Variants in PTPRT observed in about 807,000 individuals in gnomAD.
PTPRT encodes receptor-type tyrosine-protein phosphatase T.
PTPRT carries 56 observed loss-of-function variants against 176.8 expected under a neutral mutation model. The observed-to-expected ratio is 0.32, with a 90% CI of 0.26 to 0.40. PTPRT has a LOEUF of 0.40. Ranked by LOEUF, PTPRT falls within the 10% of genes least tolerant of loss-of-function variation. PTPRT has a pLI of 1.00. For missense variants in PTPRT, 1,540 were observed against 1,908.2 expected (o/e 0.81, Z 3.60); for synonymous variants, 783 against 739.0 (o/e 1.06, Z -0.96).
chr20:43,092,851 G>T (rs907911755), intron 1 of PTPRT, among the ~76,000 whole-genome samples: 2 of 152,170 alleles, frequency 1.3e-5, no homozygotes, highest in African/African-American at 2.4e-5. Context: ...TTGTGTAAAG[G>T]CTCTAAGATC....
At chr20:42,233,742 G>A (rs528696890) in intron 15 of PTPRT, among the ~76,000 whole-genome samples, 3 of 152,102 alleles carry the variant, frequency 2.0e-5, no homozygotes, top group Non-Finnish European at 4.4e-5. Flanking sequence ...CGTCATGGGG[G>A]CCTTGGGGTT....
intron 6 of PTPRT, among the ~76,000 whole-genome samples, chr20:42,691,026 C>A (rs180852203): frequency 6.6e-6 from 1 of 150,734 alleles, no homozygotes; most frequent in African/African-American, 2.4e-5. Flanking sequence ...TTCAGCCCAG[C>A]GCCTCTAGCC....
chr20:42,053,629 T>A, the PTPRT span, among the ~76,000 whole-genome samples: 1 of 152,064 alleles, frequency 6.6e-6, no homozygotes, highest in Non-Finnish European at 1.5e-5. Flanking sequence ...GCTGCTGGAG[T>A]GGACATGAGA....
At chr20:42,569,956 C>T (rs991253362) in intron 7 of PTPRT, among the ~76,000 whole-genome samples, 11 of 152,212 alleles carry the variant, frequency 7.2e-5, no homozygotes, top group African/African-American at 2.7e-4. Flanking sequence ...GTCTATGTTA[C>T]AGAAGAAGAC....
intron 1 of PTPRT, among the ~76,000 whole-genome samples, chr20:43,080,926 G>C (rs1040203888): frequency 6.6e-6 from 1 of 152,210 alleles, no homozygotes; most frequent in African/African-American, 2.4e-5. Context: ...AAATAAACCT[G>C]TTGTATACAG....
the PTPRT span, among the ~76,000 whole-genome samples, chr20:42,044,627 T>G: frequency 6.6e-6 from 1 of 152,230 alleles, no homozygotes; most frequent in South Asian, 2.1e-4. Flanking sequence ...AGTAAAATAA[T>G]GTTAAGTGAA....
intron 1 of PTPRT, among the ~76,000 whole-genome samples, chr20:43,131,629 A>G (rs1222203980): frequency 6.6e-6 from 1 of 152,200 alleles, no homozygotes; most frequent in African/African-American, 2.4e-5. Context: ...AGATGGATTC[A>G]TAGGTGATTT....
intron 7 of PTPRT, among the ~76,000 whole-genome samples, chr20:42,521,831 G>A (rs1273192725): frequency 6.6e-6 from 1 of 152,072 alleles, no homozygotes; most frequent in African/African-American, 2.4e-5. Flanking sequence ...GCTGCCAAAA[G>A]ACTGATAACA....
chr20:42,745,355 G>A (rs887120736), intron 6 of PTPRT, among the ~76,000 whole-genome samples: 1 of 152,206 alleles, frequency 6.6e-6, no homozygotes, highest in East Asian at 1.9e-4. Flanking sequence ...CCATGGGGCA[G>A]GATCTGGGCC....
intron 2 of PTPRT, among the ~76,000 whole-genome samples, chr20:42,841,957 C>T (rs2078286661): frequency 6.6e-6 from 1 of 152,166 alleles, no homozygotes; most frequent in Non-Finnish European, 1.5e-5. Context: ...TTGCCCTGCT[C>T]CCCACTTCAT....
At chr20:42,869,639 A>G (rs2078810450) in intron 2 of PTPRT, among the ~76,000 whole-genome samples, 1 of 152,196 alleles carries the variant, frequency 6.6e-6, no homozygotes, top group African/African-American at 2.4e-5. Context: ...GATGAATCAT[A>G]TCTAATTTAG....
chr20:42,891,122 C>T (rs933379184), intron 1 of PTPRT, among the ~76,000 whole-genome samples: 4 of 152,262 alleles, frequency 2.6e-5, no homozygotes, highest in African/African-American at 9.6e-5. Context: ...AGTGTGAAAA[C>T]GGACTAATAC....
At chr20:42,411,035 C>A (rs1291021239) in intron 9 of PTPRT, among the ~76,000 whole-genome samples, 1 of 151,888 alleles carries the variant, frequency 6.6e-6, no homozygotes, top group East Asian at 1.9e-4. Context: ...AAAAGAAGTA[C>A]ATAATAAATG....
At chr20:42,401,968 T>G (rs2058912812) in intron 9 of PTPRT, among the ~76,000 whole-genome samples, 1 of 152,200 alleles carries the variant, frequency 6.6e-6, no homozygotes, top group African/African-American at 2.4e-5. Context: ...CTGGTGGACA[T>G]CTGTCCTGTC....
intron 7 of PTPRT, among the ~76,000 whole-genome samples, chr20:42,631,761 A>G (rs1054016137): frequency 2.0e-5 from 3 of 152,140 alleles, no homozygotes. Context: ...AAGCTTGTGT[A>G]AATGAATGAA....
chr20:43,002,600 T>C (rs1009623960), intron 1 of PTPRT, among the ~76,000 whole-genome samples: 12 of 152,104 alleles, frequency 7.9e-5, no homozygotes, highest in Non-Finnish European at 2.9e-5. Context: ...AACAAAATAA[T>C]TATTTCAACA....
At chr20:43,045,603 C>A (rs1986805337) in intron 1 of PTPRT, among the ~76,000 whole-genome samples, 1 of 151,056 alleles carries the variant, frequency 6.6e-6, no homozygotes, top group Non-Finnish European at 1.5e-5. Flanking sequence ...ACAAGGCATG[C>A]ACCACCATGT....
At chr20:42,641,431 G>A (rs897158756) in intron 7 of PTPRT, among the ~76,000 whole-genome samples, 4 of 152,172 alleles carry the variant, frequency 2.6e-5, no homozygotes, top group Admixed American at 2.6e-4. Context: ...TCTTTGATGG[G>A]GGCTTTATAC....
chr20:42,528,039 A>C (rs1321449909), intron 7 of PTPRT, among the ~76,000 whole-genome samples: 1 of 152,252 alleles, frequency 6.6e-6, no homozygotes, highest in African/African-American at 2.4e-5. Context: ...AATCCTCAGC[A>C]TGGCCTCATA....
Sources: gnomAD v4.1 joint callset for allele counts (sites outside exome capture counted in the v4.1 genomes callset) on GRCh38, gnomAD v4.1.1 for gene constraint, MANE v1.5 for transcripts, NCBI Gene and HGNC (gene_info 2026-07-23, HGNC 2026-07-21) for gene names.